CPXM2: variants seen among roughly 807,000 people sequenced by gnomAD.
CPXM2 encodes carboxypeptidase X, M14 family member 2.
In CPXM2, 66 loss-of-function variants were observed where a neutral mutation model predicts 86.1. The observed-to-expected ratio is 0.77, with a 90% CI of 0.63 to 0.94. The LOEUF is 0.94. CPXM2 is among the 40% of genes least tolerant of loss of function. The pLI is 0.00. For synonymous variants in CPXM2, 388 were observed against 400.2 expected (o/e 0.97, Z 0.36); for missense variants, 948 against 1,026.3 (o/e 0.92, Z 1.04).
At chr10:123,914,387 C>A (rs928264858) in intron 2 of CPXM2, among the ~76,000 whole-genome samples, 8 of 152,144 alleles carry the variant, frequency 5.3e-5, no homozygotes, top group African/African-American at 1.9e-4. Flanking sequence ...TCACTTCCAG[C>A]TTTCCCCCTT....
chr10:123,837,172 T>C lies in CPXM2; in HGVS notation c.653+5177A>G, dbSNP rs1848298440. Among the ~76,000 whole-genome samples the C allele has an allele frequency of 3.3e-5, 5 of 152,230 alleles. No individual in the cohort carries two copies. In the South Asian group the frequency reaches 1.0e-3, roughly 31 times the overall value. On this transcript the variant is annotated intron_variant, in intron 4 of 13. Coordinates refer to ENST00000241305, the MANE Select transcript of CPXM2 (RefSeq NM_198148.3). Reference sequence around the variant, plus strand: ...GAACGTGGAACTCCTGCTAAGACTTTCCATTGCCAACCAGAAAGCGAGCGT... The same window carrying C: ...GAACGTGGAACTCCTGCTAAGACTTCCCATTGCCAACCAGAAAGCGAGCGT...
In CPXM2 at chr10:123,935,932, CCAT is replaced by C. The variant is rs1379365295; in HGVS notation, n.174+3542_174+3544del. 5.9e-4 allele frequency among the ~76,000 whole-genome samples: 5 copies of C among 8,410 alleles called. No homozygotes were observed. In the African/African-American group the frequency reaches 6.4e-3, roughly 11 times the overall value. The allele number at this position is 8,410 out of a possible 152,430, so 5.5% of individuals were successfully genotyped here. ...ATCTTCACCATCATCACCACATTTA[CCAT>C]CATCATCACCATCATCACCAGCATC... is the stretch of plus-strand genomic sequence containing the variant. On this transcript the variant is annotated intron_variant and non_coding_transcript_variant, in intron 2 of 19. Transcript: ENST00000368854.
intron 2 of CPXM2, among the ~76,000 whole-genome samples, chr10:123,924,299 C>G (rs1046291785): frequency 6.6e-6 from 1 of 152,192 alleles, no homozygotes; most frequent in East Asian, 1.9e-4. Context: ...AATAGCGGGT[C>G]CCCAGGTTAC....
At chr10:123,881,646 T>C (rs1945094955) in intron 1 of CPXM2, among the ~76,000 whole-genome samples, 1 of 152,138 alleles carries the variant, frequency 6.6e-6, no homozygotes, top group Non-Finnish European at 1.5e-5. Context: ...GAGTGGGAGA[T>C]GTAGCCTTCC....
chr10:123,749,519 C>T lies in CPXM2; in HGVS notation c.2018-2502G>A, dbSNP rs568697228. ...CACATCATGGTGCTTACTCCCTAAA[C>T]CTGCTGTTATCGCAGGGCCACATGG... On this transcript the variant is annotated intron_variant, in intron 13 of 13. Transcript: ENST00000241305. Among the ~76,000 whole-genome samples the T allele has an allele frequency of 5.9e-5, 9 of 152,334 alleles. No individual in the cohort carries two copies. The South Asian group carries it at 1.9e-3, about 32-fold the overall frequency.
chr10:123,853,827 C>T (rs1403858157), intron 3 of CPXM2, among the ~76,000 whole-genome samples: 1 of 152,076 alleles, frequency 6.6e-6, no homozygotes, highest in South Asian at 2.1e-4. Context: ...ATCACTTGAA[C>T]CCGGGAGGTG....
rs1390146717 is a variant in CPXM2, at chr10:123,885,868, T to A, written c.304+5488A>T. On this transcript the variant is annotated intron_variant, in intron 1 of 13. Coordinates refer to ENST00000241305, the MANE Select transcript of CPXM2 (RefSeq NM_198148.3). The surrounding 1 kb of genome is among the most constrained non-coding windows in gnomAD (Gnocchi z 4.0). Reference sequence around the variant, plus strand: ...AAGGTGCCATGAGCTCTAGCAGCCATGGACACTTGAGGCATACAGAAAACA... The same window carrying A: ...AAGGTGCCATGAGCTCTAGCAGCCAAGGACACTTGAGGCATACAGAAAACA... Among the ~76,000 whole-genome samples, 1 of 152,350 alleles carries A rather than the reference T, an allele frequency of 6.6e-6. No individual in the cohort carries two copies. Among genetic ancestry groups the A allele is most frequent in the Non-Finnish European group, 1.5e-5 (1 of 68,026 alleles).
At chr10:123,816,333 G>T (rs965848155) in intron 4 of CPXM2, among the ~76,000 whole-genome samples, 3 of 152,202 alleles carry the variant, frequency 2.0e-5, no homozygotes, top group Non-Finnish European at 4.4e-5. Context: ...TCCCTGGCTG[G>T]TAGGGTGAGG....
intron 2 of CPXM2, among the ~76,000 whole-genome samples, chr10:123,918,023 G>A (rs1247264390): frequency 6.6e-6 from 1 of 152,156 alleles, no homozygotes; most frequent in East Asian, 1.9e-4. Flanking sequence ...GAGAGTCCAT[G>A]CCTCCTGAGG....
chr10:123,807,276 A>G (rs1847600951), intron 4 of CPXM2, among the ~76,000 whole-genome samples: 1 of 152,170 alleles, frequency 6.6e-6, no homozygotes, highest in Admixed American at 6.5e-5. Context: ...GTGCCCTAGT[A>G]ATGGAAATGT....
At chr10:123,935,608 T>G (rs919756573) in intron 2 of CPXM2, among the ~76,000 whole-genome samples, 18 of 152,144 alleles carry the variant, frequency 1.2e-4, no homozygotes, top group Admixed American at 3.3e-4. Flanking sequence ...AGTGCCCCAG[T>G]GTGGTGCCTG....
chr10:123,794,673 ACTTT>A (rs10549644), intron 6 of CPXM2, among the ~76,000 whole-genome samples: 2,586 of 151,446 alleles, frequency 0.017, 75 homozygotes, highest in African/African-American at 0.06. Context: ...AGAAAAGAGG[ACTTT>A]CTTTTATTGT....
chr10:123,798,861 A>G (rs551166285), intron 5 of CPXM2, among the ~76,000 whole-genome samples: 1 of 152,368 alleles, frequency 6.6e-6, no homozygotes, highest in South Asian at 2.1e-4. Context: ...CTTGCAAATT[A>G]CATAAAAGGC....
At chr10:123,882,815 C>A (rs1218486216) in intron 1 of CPXM2, among the ~76,000 whole-genome samples, 1 of 141,400 alleles carries the variant, frequency 7.1e-6, no homozygotes, top group Non-Finnish European at 1.5e-5. Flanking sequence ...GCCTGAAAAA[C>A]CCCCAACTCC....
intron 2 of CPXM2, among the ~76,000 whole-genome samples, chr10:123,904,520 C>T (rs965050213): frequency 2.0e-5 from 3 of 152,114 alleles, no homozygotes; most frequent in Non-Finnish European, 4.4e-5. Context: ...ATCAGGGCCT[C>T]GACGTCAGGG....
chr10:123,785,709 T>C (rs1362681947), intron 6 of CPXM2, among the ~76,000 whole-genome samples: 1 of 150,910 alleles, frequency 6.6e-6, no homozygotes, highest in Non-Finnish European at 1.5e-5. Flanking sequence ...CTCGGCTCAC[T>C]GCAAGCTCCG....
intron 4 of CPXM2, among the ~76,000 whole-genome samples, chr10:123,818,663 G>A (rs1322967850): frequency 6.6e-6 from 1 of 152,198 alleles, no homozygotes; most frequent in African/African-American, 2.4e-5. Flanking sequence ...GTGTGGCAGT[G>A]GGCTCCTGCT....
intron 2 of CPXM2, among the ~76,000 whole-genome samples, chr10:123,919,604 A>G (rs911041341): frequency 2.0e-5 from 3 of 152,248 alleles, no homozygotes; most frequent in African/African-American, 7.2e-5. Context: ...ACTGAAACAT[A>G]CAAATAGAAT....
chr10:123,934,671 C>T (rs1055770195), intron 2 of CPXM2, among the ~76,000 whole-genome samples: 2 of 152,174 alleles, frequency 1.3e-5, no homozygotes, highest in Non-Finnish European at 1.5e-5. Context: ...CTGCGAACCA[C>T]GCACCAGGAA....
Sources: allele counts gnomAD v4.1 joint callset (sites outside exome capture counted in the v4.1 genomes callset), GRCh38; gene constraint gnomAD v4.1.1; non-coding constraint Gnocchi (gnomAD v3.1); transcripts MANE v1.5; gene names NCBI Gene and HGNC (gene_info 2026-07-23, HGNC 2026-07-21).